Variants in MAP2 observed in about 807,000 individuals in gnomAD.
The protein encoded by MAP2 is microtubule-associated protein 2.
MAP2 carries 14 observed loss-of-function variants against 137.6 expected under a neutral mutation model. The observed-to-expected ratio is 0.10, with a 90% CI of 0.07 to 0.16. The LOEUF is 0.16. Ranked by LOEUF, MAP2 falls within the 10% of genes least tolerant of loss-of-function variation. The probability of loss-of-function intolerance (pLI) is 1.00; values close to 1 mark genes in which losing one functional copy is unlikely to be tolerated. For synonymous variants in MAP2, 786 were observed against 782.3 expected, an observed-to-expected ratio of 1.00 and a Z score of -0.08; for missense variants, 2,088 against 2,191.5, an observed-to-expected ratio of 0.95 and a Z score of 0.94.
rs185256865 is a variant in MAP2 at position 209,425,672 on chromosome 2, T to A, written c.-222+1396T>A. On this transcript the variant is annotated intron_variant, in intron 1 of 15. Transcript: ENST00000682079. Reference sequence around the variant, plus strand: ...TGAGGCGATGGAGAACAAAGCCTTCTATGTGAGCCACATTATGCAAAATGT... The same window carrying A: ...TGAGGCGATGGAGAACAAAGCCTTCAATGTGAGCCACATTATGCAAAATGT... 1.4e-4 allele frequency among the ~76,000 whole-genome samples: 21 copies of A among 152,352 alleles called. No homozygotes were observed. The East Asian group carries it at 3.5e-3, about 25-fold the overall frequency.
intron 1 of MAP2, among the ~76,000 whole-genome samples, chr2:209,427,579 A>G (rs1263239810): frequency 2.6e-5 from 4 of 152,068 alleles, no homozygotes; most frequent in African/African-American, 4.8e-5. Flanking sequence ...TGGATGTTAG[A>G]CTTACTGTTC....
chr2:209,466,232 T>C (rs113035650), intron 1 of MAP2, among the ~76,000 whole-genome samples: 4 of 152,286 alleles, frequency 2.6e-5, no homozygotes, highest in African/African-American at 9.6e-5. Flanking sequence ...CCTAAGAAAA[T>C]GGGATTTCTA....
chr2:209,612,984 C>T (rs2153492828), intron 3 of MAP2, among the ~76,000 whole-genome samples: 1 of 152,230 alleles, frequency 6.6e-6, no homozygotes, highest in East Asian at 1.9e-4. Flanking sequence ...TGAAACATGG[C>T]CCATTCATGG....
intron 2 of MAP2, among the ~76,000 whole-genome samples, chr2:209,521,108 C>A (rs1576990102): frequency 6.6e-6 from 1 of 152,092 alleles, no homozygotes; most frequent in South Asian, 2.1e-4. Flanking sequence ...AAGCTTATTT[C>A]CAGTATGTGT....
At chr2:209,511,199 A>G (rs1339933225) in intron 2 of MAP2, among the ~76,000 whole-genome samples, 1 of 152,160 alleles carries the variant, frequency 6.6e-6, no homozygotes, top group Non-Finnish European at 1.5e-5. Context: ...TCATTTTGCA[A>G]AATCAAAAGT....
chr2:209,616,088 A>G (rs73071071), intron 3 of MAP2, among the ~76,000 whole-genome samples: 26,512 of 152,058 alleles, frequency 0.17, 3,454 homozygotes, highest in African/African-American at 0.37. Flanking sequence ...CCACGCTTCA[A>G]TGTCCTGCTG....
At chr2:209,638,011 T>C (rs1049677466) in intron 4 of MAP2, among the ~76,000 whole-genome samples, 3 of 152,128 alleles carry the variant, frequency 2.0e-5, no homozygotes, top group African/African-American at 4.8e-5. Context: ...CCAAATAAGA[T>C]TGGAATATTT....
chr2:209,661,110 G>C (rs1175900983), intron 5 of MAP2, among the ~76,000 whole-genome samples: 1 of 152,074 alleles, frequency 6.6e-6, no homozygotes, highest in Non-Finnish European at 1.5e-5. Context: ...CATGCAAAAA[G>C]CTGCATATGC....
chr2:209,621,596 G>A (rs1017563472), intron 3 of MAP2, among the ~76,000 whole-genome samples: 5 of 151,982 alleles, frequency 3.3e-5, no homozygotes, highest in Non-Finnish European at 5.9e-5. Context: ...TCAAACATGA[G>A]ATTTAAAAAC....
intron 1 of MAP2, among the ~76,000 whole-genome samples, chr2:209,441,902 G>A (rs948872145): frequency 6.6e-6 from 1 of 151,474 alleles, no homozygotes; most frequent in African/African-American, 2.4e-5. Flanking sequence ...GGCATGAGTT[G>A]CATTTCAATT....
chr2:209,708,557 T>C (rs569328113), intron 12 of MAP2, among the ~76,000 whole-genome samples: 1 of 152,236 alleles, frequency 6.6e-6, no homozygotes, highest in East Asian at 1.9e-4. Context: ...TTGTAAATAT[T>C]TAAGCAAAGA....
chr2:209,717,016 T>G (rs1302801188), intron 13 of MAP2, among the ~76,000 whole-genome samples: 5 of 152,016 alleles, frequency 3.3e-5, no homozygotes, highest in African/African-American at 7.3e-5. Context: ...GAAGGAGACA[T>G]AGAGAGGGAG....
intron 10 of MAP2, 84 bp downstream of exon 10, chr2:209,697,135 T>C: frequency 7.3e-7 from 1 of 1,373,554 alleles, no homozygotes; most frequent in Non-Finnish European, 9.7e-7. Flanking sequence ...AGCTTCTTCA[T>C]TTTGTTTTTC....
At chr2:209,504,693 T>TTAAAGGG (rs1198946395) in intron 1 of MAP2, among the ~76,000 whole-genome samples, 1 of 152,204 alleles carries the variant, frequency 6.6e-6, no homozygotes, top group Non-Finnish European at 1.5e-5. Context: ...TTTTAACCAT[T>TTAAAGGG]TTAAAGGGTT....
intron 4 of MAP2, among the ~76,000 whole-genome samples, chr2:209,626,768 T>C (rs1016474579): frequency 2.0e-5 from 3 of 152,212 alleles, no homozygotes; most frequent in Admixed American, 1.3e-4. Context: ...GGCATGAAGA[T>C]CTGGTTGACA....
chr2:209,701,974 A>G (rs1360091354), intron 11 of MAP2, among the ~76,000 whole-genome samples: 1 of 152,082 alleles, frequency 6.6e-6, no homozygotes, highest in Non-Finnish European at 1.5e-5. Context: ...CTGTCTCATG[A>G]GTTAGTTATA....
At chr2:209,634,680 T>C (rs189210474) in intron 4 of MAP2, among the ~76,000 whole-genome samples, 44 of 152,256 alleles carry the variant, frequency 2.9e-4, no homozygotes, top group African/African-American at 1.0e-3. Context: ...TGGTTAGCAG[T>C]CTCTGTTATA....
chr2:209,637,094 G>A lies in MAP2; in HGVS notation c.-30+11965G>A, dbSNP rs558952105. Among the ~76,000 whole-genome samples, 18 of 152,238 alleles carry A rather than the reference G, an allele frequency of 1.2e-4. No homozygotes were observed. The South Asian group carries it at 3.3e-3, about 28-fold the overall frequency. ...CCTGAATAGTATTCTCTACAAGCGA[G>A]TGTACTGCTGCTGTATTCTGCTTTT... On this transcript the variant is annotated intron_variant, in intron 4 of 15. Coordinates refer to ENST00000682079, the MANE Select transcript of MAP2 (RefSeq NM_001375505.1).
chr2:209,701,993 A>G (rs994706415), intron 11 of MAP2, among the ~76,000 whole-genome samples: 11 of 152,128 alleles, frequency 7.2e-5, no homozygotes, highest in African/African-American at 2.7e-4. Flanking sequence ...TAAAAATTAA[A>G]TGTAATGATG....
Sources: gnomAD v4.1 joint callset for allele counts (sites outside exome capture counted in the v4.1 genomes callset) on GRCh38, gnomAD v4.1.1 for gene constraint, MANE v1.5 for transcripts, NCBI Gene and HGNC (gene_info 2026-07-23, HGNC 2026-07-21) for gene names.